DLGAP1: variants seen among roughly 807,000 people sequenced by gnomAD.
The protein encoded by DLGAP1 is DLG associated protein 1.
A neutral mutation model predicts 90.8 loss-of-function variants in DLGAP1; 11 were observed. The observed-to-expected ratio is 0.12, with a 90% confidence interval of 0.08 to 0.20. The LOEUF (loss-of-function observed/expected upper bound fraction) is 0.20. Ranked by LOEUF, DLGAP1 falls within the 10% of genes least tolerant of loss-of-function variation. DLGAP1 has a pLI of 1.00. For missense variants in DLGAP1, 1,050 were observed against 1,333.8 expected (o/e 0.79, Z 3.31); for synonymous variants, 558 against 540.7 (o/e 1.03, Z -0.44).
chr18:4,096,790 C>T (rs1367195121), intron 2 of DLGAP1, among the ~76,000 whole-genome samples: 1 of 152,194 alleles, frequency 6.6e-6, no homozygotes, highest in Non-Finnish European at 1.5e-5. Flanking sequence ...CCTGGGTTAA[C>T]GTCCTGGCTT....
intron 9 of DLGAP1, among the ~76,000 whole-genome samples, chr18:3,543,783 A>G (rs1248299019): frequency 1.1e-4 from 16 of 152,108 alleles, no homozygotes; most frequent in Non-Finnish European, 2.4e-4. Context: ...CCCCATGGGG[A>G]GTCGGCAGTC....
At chr18:3,919,517 T>C (rs2148908688) in intron 3 of DLGAP1, among the ~76,000 whole-genome samples, 1 of 152,278 alleles carries the variant, frequency 6.6e-6, no homozygotes, top group South Asian at 2.1e-4. Flanking sequence ...CCCAGAGCCA[T>C]AGTACTACTT....
chr18:3,796,619 G>A (rs1315767879), intron 5 of DLGAP1, among the ~76,000 whole-genome samples: 2 of 152,292 alleles, frequency 1.3e-5, no homozygotes, highest in African/African-American at 2.4e-5. Context: ...AGGTGAGCTC[G>A]ATCCACGAAT....
chr18:4,310,625 G>A (rs557884361), intron 1 of DLGAP1, among the ~76,000 whole-genome samples: 30 of 152,218 alleles, frequency 2.0e-4, no homozygotes, highest in Non-Finnish European at 4.0e-4. Flanking sequence ...CTGACTCCAG[G>A]CTGCGAGTTC....
At chr18:3,743,805 A>G (rs2063158248) in intron 5 of DLGAP1, among the ~76,000 whole-genome samples, 1 of 151,970 alleles carries the variant, frequency 6.6e-6, no homozygotes, top group Non-Finnish European at 1.5e-5. Flanking sequence ...ACACACCACC[A>G]TGCCTGGCTA....
At chr18:4,123,568 C>A (rs1206209346) in intron 2 of DLGAP1, among the ~76,000 whole-genome samples, 1 of 152,166 alleles carries the variant, frequency 6.6e-6, no homozygotes, top group Non-Finnish European at 1.5e-5. Context: ...ACCCTACATG[C>A]CCAGCTGGGC....
chr18:4,445,788 A>C (rs1296043920), intron 1 of DLGAP1, among the ~76,000 whole-genome samples: 1 of 152,152 alleles, frequency 6.6e-6, no homozygotes, highest in Non-Finnish European at 1.5e-5. Context: ...AATCCAGATA[A>C]ATGCAACTGG....
chr18:4,039,330 G>A (rs1169573326), intron 2 of DLGAP1, among the ~76,000 whole-genome samples: 1 of 152,142 alleles, frequency 6.6e-6, no homozygotes, highest in African/African-American at 2.4e-5. Context: ...GAATGTCTCT[G>A]AATGACTCTC....
chr18:3,758,514 C>A (rs1044149071), intron 5 of DLGAP1, among the ~76,000 whole-genome samples: 2 of 152,194 alleles, frequency 1.3e-5, no homozygotes, highest in Non-Finnish European at 2.9e-5. Context: ...AAGCCACTTT[C>A]TGTCTGAAGC....
chr18:4,098,960 G>A (rs2075728705), intron 2 of DLGAP1, among the ~76,000 whole-genome samples: 1 of 152,132 alleles, frequency 6.6e-6, no homozygotes, highest in Non-Finnish European at 1.5e-5. Context: ...CACTGGGTTT[G>A]TTATCAGACC....
At chr18:3,846,050 G>C (rs2068994254) in intron 4 of DLGAP1, among the ~76,000 whole-genome samples, 1 of 140,572 alleles carries the variant, frequency 7.1e-6, no homozygotes, top group Non-Finnish European at 1.6e-5. Context: ...TGTGGTGTGT[G>C]TGTGTGTGTG....
intron 11 of DLGAP1, among the ~76,000 whole-genome samples, chr18:3,506,925 A>G (rs2050261181): frequency 6.6e-6 from 1 of 152,204 alleles, no homozygotes; most frequent in South Asian, 2.1e-4. Flanking sequence ...ATTTACTAAT[A>G]TAAATGATCT....
chr18:4,003,294 T>C (rs2074234850), intron 3 of DLGAP1, among the ~76,000 whole-genome samples: 1 of 152,132 alleles, frequency 6.6e-6, no homozygotes, highest in African/African-American at 2.4e-5. Context: ...TGGGTCCAGA[T>C]CACCTGGACA....
intron 7 of DLGAP1, among the ~76,000 whole-genome samples, chr18:3,675,917 TGAGCCAATATTGATACAGGAGTTAAGAAG>T (rs2060281303): frequency 6.6e-6 from 1 of 152,234 alleles, no homozygotes. Context: ...TCAGCTCTCA[TGAGCCAATATTGATACAGGAGTTAAGAAG>T]AAATTACTTA....
chr18:4,416,065 A>G (rs2082892216), intron 1 of DLGAP1, among the ~76,000 whole-genome samples: 2 of 152,150 alleles, frequency 1.3e-5, no homozygotes, highest in Admixed American at 1.3e-4. Flanking sequence ...CAATTCTGGC[A>G]CTAGTATCTT....
intron 10 of DLGAP1, among the ~76,000 whole-genome samples, chr18:3,516,069 C>T (rs2050828048): frequency 1.3e-5 from 2 of 152,158 alleles, no homozygotes; most frequent in South Asian, 4.1e-4. Context: ...GCAGTTTCTT[C>T]CTCCACTGAA....
chr18:4,163,918 A>T (rs1418430945), intron 1 of DLGAP1, among the ~76,000 whole-genome samples: 1 of 152,166 alleles, frequency 6.6e-6, no homozygotes, highest in Non-Finnish European at 1.5e-5. Context: ...CAGCCCAAGA[A>T]GTCTCCTTGT....
chr18:4,189,645 C>T (rs1300519946), intron 1 of DLGAP1, among the ~76,000 whole-genome samples: 3 of 151,988 alleles, frequency 2.0e-5, no homozygotes, highest in African/African-American at 7.3e-5. Context: ...GACAAAAGAA[C>T]CAGAACGGTC....
At chr18:4,309,936 C>A (rs561452955) in intron 1 of DLGAP1, among the ~76,000 whole-genome samples, 1 of 152,150 alleles carries the variant, frequency 6.6e-6, no homozygotes, top group Non-Finnish European at 1.5e-5. Flanking sequence ...CCTGAGTATC[C>A]GCTCTGCTTC....
Sources: gnomAD v4.1 joint callset for allele counts (sites outside exome capture counted in the v4.1 genomes callset) on GRCh38, gnomAD v4.1.1 for gene constraint, MANE v1.5 for transcripts, NCBI Gene and HGNC (gene_info 2026-07-23, HGNC 2026-07-21) for gene names.